Variants in RACGAP1 observed in about 807,000 individuals in gnomAD.
The protein encoded by RACGAP1 is rac GTPase-activating protein 1.
Under a neutral mutation model 78.1 loss-of-function variants are expected in RACGAP1, and 30 were observed. The ratio of observed to expected loss-of-function variants is 0.38; its 90% confidence interval spans 0.29 to 0.52. The LOEUF (loss-of-function observed/expected upper bound fraction) is 0.52, where lower values mean the gene tolerates loss of function less well. RACGAP1 is among the 20% of genes least tolerant of loss of function. RACGAP1 has a pLI of 0.82. For synonymous variants in RACGAP1, 231 were observed against 264.8 expected, an observed-to-expected ratio of 0.87 and a Z score of 1.24; for missense variants, 587 against 777.1, an observed-to-expected ratio of 0.76 and a Z score of 2.91.
At position 50,006,773 on chromosome 12, in the gene RACGAP1, A is replaced by G. The variant is rs1042013740; in HGVS notation, c.86-137T>C. On this transcript the variant is annotated intron_variant, in intron 2 of 16. Transcript: ENST00000312377. ...GAACTATGGGCAAATCCAGCTGAAA[A>G]TAACTAGGAGCAGATCCTGGATATG... 6 of 862,770 alleles carry G rather than the reference A, an allele frequency of 7.0e-6. No individual in the cohort carries two copies. In the Admixed American group the frequency reaches 1.2e-4, roughly 18 times the overall value. The allele number at this position is 862,770 out of a possible 1,614,324, so 53.4% of individuals were successfully genotyped here. A position where few individuals can be genotyped will look rare whatever the true frequency, so the allele number is the denominator to read the frequency against.
chr12:50,009,833 CCCTA>C (rs1397303752), intron 2 of RACGAP1, among the ~76,000 whole-genome samples: 1 of 152,222 alleles, frequency 6.6e-6, no homozygotes, highest in East Asian at 1.9e-4. Flanking sequence ...AAATGGAATG[CCCTA>C]CCTATTACAT....
At chr12:50,013,280 C>A (rs1565692766) in intron 2 of RACGAP1, among the ~76,000 whole-genome samples, 1 of 152,070 alleles carries the variant, frequency 6.6e-6, no homozygotes, top group Non-Finnish European at 1.5e-5. Flanking sequence ...TCAATTTATG[C>A]CCAAATCCTC....
At chr12:50,017,409 C>T (rs576413876) in intron 1 of RACGAP1, among the ~76,000 whole-genome samples, 10 of 152,294 alleles carry the variant, frequency 6.6e-5, no homozygotes, top group Admixed American at 2.6e-4. Flanking sequence ...CTTCACAGTT[C>T]GAAGGGCAAA....
At chr12:50,022,811 G>A (rs1222265209) in intron 1 of RACGAP1, among the ~76,000 whole-genome samples, 1 of 152,086 alleles carries the variant, frequency 6.6e-6, no homozygotes. Flanking sequence ...TTCTTTGGAC[G>A]TTTAGGTCAT....
chr12:50,025,581 C>A, upstream of RACGAP1: 5 of 976,192 alleles, frequency 5.1e-6, no homozygotes, highest in Non-Finnish European at 6.1e-6. Context: ...GCGGAGGTGA[C>A]GGGAACGGGA....
intron 9 of RACGAP1, 67 bp from the exon 10 acceptor site, chr12:49,997,271 A>AC: frequency 7.6e-7 from 1 of 1,319,142 alleles, no homozygotes. Context: ...TAATCAACTA[A>AC]CTTTTTTTTT....
chr12:50,021,259 C>A, intron 1 of RACGAP1: 2 of 313,018 alleles, frequency 6.4e-6, no homozygotes, highest in South Asian at 1.3e-4. Flanking sequence ...CTTTCCACAA[C>A]AGAGACTGCT....
At chr12:50,009,319 C>T (rs1308798542) in intron 2 of RACGAP1, among the ~76,000 whole-genome samples, 1 of 148,724 alleles carries the variant, frequency 6.7e-6, no homozygotes, top group Middle Eastern at 3.5e-3. Context: ...ACACCCTAAA[C>T]TATGAAGTGC....
chr12:50,031,446 T>G (rs1013373357), intron 2 of RACGAP1, among the ~76,000 whole-genome samples: 1 of 115,016 alleles, frequency 8.7e-6, no homozygotes, highest in Non-Finnish European at 1.6e-5. Flanking sequence ...ACCACTGAAC[T>G]CCAGCCTGGG....
chr12:49,994,091 C>T (rs757083640), intron 12 of RACGAP1, 40 bp downstream of exon 12: 5 of 1,516,468 alleles, frequency 3.3e-6, no homozygotes, highest in South Asian at 2.4e-5. Flanking sequence ...AAACTACTGC[C>T]GTGGAGGAAT....
upstream of RACGAP1, among the ~76,000 whole-genome samples, chr12:50,030,091 C>T (rs751168094): frequency 2.0e-5 from 3 of 151,716 alleles, no homozygotes; most frequent in Non-Finnish European, 4.4e-5. Context: ...GGGAATATAT[C>T]GAGACCTCCT....
intron 12 of RACGAP1, among the ~76,000 whole-genome samples, chr12:49,993,044 A>G (rs1196061163): frequency 1.3e-5 from 2 of 152,228 alleles, no homozygotes; most frequent in African/African-American, 4.8e-5. Flanking sequence ...TGGAACCTAC[A>G]TTCTATTGGT....
At chr12:50,028,615 G>GA (rs907093806), upstream of RACGAP1, among the ~76,000 whole-genome samples, 37 of 145,070 alleles carry the variant, frequency 2.6e-4, no homozygotes, top group Non-Finnish European at 3.5e-4. Flanking sequence ...CTAAAAATGC[G>GA]AAAAAAATTA....
At chr12:49,994,104 A>C (rs1592133614) in intron 12 of RACGAP1, 27 bp downstream of exon 12, 1 of 1,562,234 alleles carries the variant, frequency 6.4e-7, no homozygotes, top group Non-Finnish European at 8.8e-7. Context: ...GGAGGAATTC[A>C]TATTCAAGTA....
upstream of RACGAP1, among the ~76,000 whole-genome samples, chr12:50,029,386 AAAACAAACAAAC>A (rs139765536): frequency 2.0e-5 from 3 of 150,760 alleles, no homozygotes; most frequent in African/African-American, 7.4e-5. Flanking sequence ...CTCCATCTCA[AAAACAAACAAAC>A]AAACAAACAA....
upstream of RACGAP1, among the ~76,000 whole-genome samples, chr12:50,027,083 A>T (rs190144565): frequency 3.3e-5 from 5 of 152,290 alleles, no homozygotes; most frequent in African/African-American, 1.2e-4. Flanking sequence ...TCCCATCTCT[A>T]TCTCACAGGT....
chr12:50,008,271 T>A (rs1476075001), intron 2 of RACGAP1, among the ~76,000 whole-genome samples: 6 of 148,768 alleles, frequency 4.0e-5, no homozygotes, highest in Non-Finnish European at 5.9e-5. Flanking sequence ...CAATCTTGGC[T>A]CACTGCAATC....
intron 1 of RACGAP1, among the ~76,000 whole-genome samples, chr12:50,021,807 A>T (rs1950023117): frequency 6.6e-6 from 1 of 152,172 alleles, no homozygotes; most frequent in Non-Finnish European, 1.5e-5. Context: ...GTCAAGGAAA[A>T]CCATTCTCAA....
intron 4 of RACGAP1, 33 bp downstream of exon 4, chr12:50,005,223 G>T: frequency 2.5e-6 from 4 of 1,611,908 alleles, no homozygotes; most frequent in Non-Finnish European, 1.7e-6. Context: ...TGTGTTGCTT[G>T]TGATAGGATA....
Sources: allele counts gnomAD v4.1 joint callset (sites outside exome capture counted in the v4.1 genomes callset), GRCh38; gene constraint gnomAD v4.1.1; transcripts MANE v1.5; gene names NCBI Gene and HGNC (gene_info 2026-07-23, HGNC 2026-07-21).